The following FGF17 variants were observed in gnomAD, a reference collection of about 807,000 sequenced individuals.
The protein encoded by FGF17 is fibroblast growth factor 17.
In FGF17, 5 loss-of-function variants were observed where a neutral mutation model predicts 23.5. That is an observed-to-expected ratio of 0.21 (90% CI 0.11 to 0.45). The LOEUF (loss-of-function observed/expected upper bound fraction) is 0.45. Ranked by LOEUF, FGF17 falls within the 20% of genes least tolerant of loss-of-function variation. The pLI is 0.99. For missense variants in FGF17, 221 were observed against 306.9 expected, an observed-to-expected ratio of 0.72 and a Z score of 2.09; for synonymous variants, 136 against 123.0, an observed-to-expected ratio of 1.11 and a Z score of -0.70.
intron 2 of FGF17, chr8:22,044,433 T>TGTGGGGGGGC (rs1351551999): frequency 8.2e-6 from 1 of 122,694 alleles, no homozygotes; most frequent in African/African-American, 3.1e-5. Flanking sequence ...GGTTGTGGGC[T>TGTGGGGGGGC]GTGGGGGGGC....
chr8:22,044,986 G>A (rs141285071), intron 2 of FGF17: 590 of 985,638 alleles, frequency 6.0e-4, no homozygotes, highest in Non-Finnish European at 6.4e-4. Context: ...CACAGGCAGC[G>A]GCATCCAGGT....
rs1800771194 is a variant in FGF17, at chr8:22,043,174, A to G, written c.65A>G (p.Gln22Arg). 1 of 1,613,538 alleles carries G rather than the reference A, an allele frequency of 6.2e-7. No homozygotes were observed. The highest frequency in any genetic ancestry group is 1.1e-5 in the South Asian group (1 of 91,072). Reference sequence around the variant, plus strand: ...TTACAGCTGCTGATTCTCTGCTGTCAAACTCAGGTAGGCGGGCATTCCCAC... The same window carrying G: ...TTACAGCTGCTGATTCTCTGCTGTCGAACTCAGGTAGGCGGGCATTCCCAC... ...LCLQLLILCC[Q>R]TQGENHPSPN... Residue 22 changes from glutamine (Q) to arginine (R), a missense_variant, in exon 2 of 5, where the codon CAA becomes CGA. By Grantham distance (43) the Gln-to-Arg change is conservative. This residue lies in a region of FGF17 where 35 missense variants were observed against 35.5 expected (regional missense o/e 0.99). Coordinates refer to ENST00000359441, the MANE Select transcript of FGF17 (RefSeq NM_003867.4).
Position 22,048,027 on chromosome 8 carries a change from C to T in FGF17, c.429C>T (p.Asn143=), listed in dbSNP as rs762036231. ...VLENNYTAFQ[N]ARHEGWFMAF... ...AGAACAACTATACGGCCTTCCAGAA[C>T]GCCCGGCACGAGGGCTGGTTCATGG... Residue 143 remains asparagine (N), a synonymous_variant, in exon 5 of 5, where the codon AAC becomes AAT. Transcript: ENST00000359441. This position sits in a 1 kb window ranked among gnomAD's most constrained non-coding sequence, Gnocchi z 6.9. 1.2e-5 allele frequency: 19 copies of T among 1,613,044 alleles called. No individual in the cohort carries two copies. Among genetic ancestry groups the T allele is most frequent in the Non-Finnish European group, 1.5e-5 (18 of 1,179,512 alleles).
upstream of FGF17, among the ~76,000 whole-genome samples, chr8:22,039,775 G>GTGCCCTTTGCCCTC (rs948675131): frequency 2.5e-4 from 38 of 152,086 alleles, no homozygotes; most frequent in Non-Finnish European, 7.4e-5. Context: ...CATTGCTAGG[G>GTGCCCTTTGCCCTC]TGCCCTTTGC....
At chr8:22,045,223 AG>A (rs1249242529) in intron 2 of FGF17, 7 of 985,376 alleles carry the variant, frequency 7.1e-6, no homozygotes, top group Non-Finnish European at 8.4e-6. Context: ...CCCAACCCAA[AG>A]GGGAAGCAGG....
chr8:22,040,819 G>T (rs954281954), upstream of FGF17, among the ~76,000 whole-genome samples: 6 of 152,234 alleles, frequency 3.9e-5, no homozygotes, highest in African/African-American at 1.4e-4. Flanking sequence ...CCCTGCCTGG[G>T]GGCTGGGAGT....
chr8:22,047,945 T>G lies in FGF17; in HGVS notation c.358-11T>G. 1 of 1,595,298 alleles carries G rather than the reference T, an allele frequency of 6.3e-7. No individual in the cohort carries two copies. Among genetic ancestry groups the G allele is most frequent in the Non-Finnish European group, 8.6e-7 (1 of 1,165,200 alleles). On this transcript the variant is annotated splice_polypyrimidine_tract_variant and intron_variant, in intron 4 of 4. Coordinates refer to ENST00000359441, the MANE Select transcript of FGF17 (RefSeq NM_003867.4). ...GGACAAATGCCCTTCCTGTCCTTGC[T>G]TCTCCCGCAGCCCAGCGGGAAGAGC... is the stretch of plus-strand genomic sequence containing the variant.
At position 22,042,820 on chromosome 8, in the gene FGF17, G is replaced by A; in HGVS notation, c.-109G>A. 8.8e-7 allele frequency: 1 copy of A among 1,141,296 alleles called. No homozygotes were observed. Among genetic ancestry groups the A allele is most frequent in the South Asian group, 1.3e-5 (1 of 75,296 alleles). The allele number at this position is 1,141,296 out of a possible 1,614,324, so 70.7% of individuals were successfully genotyped here. A position where few individuals can be genotyped will look rare whatever the true frequency, so the allele number is the denominator to read the frequency against. ...CTCCTCCTCGCCCCCCTGAAAACCT[G>A]TGGCTCGGAGAGACCTTGGCTTCTC... is the stretch of plus-strand genomic sequence containing the variant. On this transcript the variant is annotated 5_prime_UTR_variant, in exon 1 of 5. It adds an upstream start codon to the 5' untranslated region. Transcript: ENST00000359441.
At position 22,046,095 on chromosome 8, in the gene FGF17, T is replaced by C. The variant is rs1449319248; in HGVS notation, c.73-19T>C. 2 of 1,614,000 alleles carry C rather than the reference T, an allele frequency of 1.2e-6. No individual in the cohort carries two copies. Among genetic ancestry groups the C allele is most frequent in the African/African-American group, 1.3e-5 (1 of 74,934 alleles). ...ACCCAAAGCAAATTGACACTATTTT[T>C]CCCTTGGTAACCGCAAAGGGGGAGA... On this transcript the variant is annotated intron_variant, in intron 2 of 4. Transcript: ENST00000359441.
intron 4 of FGF17, among the ~76,000 whole-genome samples, chr8:22,047,103 A>G (rs1044024456): frequency 3.3e-5 from 5 of 152,104 alleles, no homozygotes; most frequent in African/African-American, 1.2e-4. Flanking sequence ...CTCTATTTAA[A>G]TGAGTCCCCG....
intron 2 of FGF17, chr8:22,045,007 C>T (rs958970704): frequency 1.1e-5 from 11 of 985,396 alleles, no homozygotes; most frequent in African/African-American, 1.7e-5. Context: ...GGAGACAAAA[C>T]CAGCAAAAAA....
At chr8:22,043,915 C>G (rs751891401) in intron 2 of FGF17, among the ~76,000 whole-genome samples, 2 of 152,162 alleles carry the variant, frequency 1.3e-5, no homozygotes, top group Admixed American at 6.5e-5. Context: ...GCCAGAGGCC[C>G]GCTTCTCTTC....
At chr8:22,043,002 T>C in intron 1 of FGF17, 39 bp downstream of exon 1, 1 of 1,610,554 alleles carries the variant, frequency 6.2e-7, no homozygotes, top group Non-Finnish European at 8.5e-7. Context: ...TTCGTTGCCA[T>C]TTCCAGCCTC....
At chr8:22,045,280 G>A in intron 2 of FGF17, 1 of 985,878 alleles carries the variant, frequency 1.0e-6, no homozygotes, top group African/African-American at 1.7e-5. Context: ...CTGTTACATT[G>A]TGGCTAAGGA....
upstream of FGF17, among the ~76,000 whole-genome samples, chr8:22,042,068 C>G (rs557973399): frequency 2.7e-4 from 41 of 152,210 alleles, no homozygotes; most frequent in Non-Finnish European, 4.9e-4. Context: ...CCCCCCAACA[C>G]CCTGAGGCAT....
At chr8:22,047,910 C>G (rs1800980547) in intron 4 of FGF17, 46 bp from the exon 5 acceptor site, 1 of 1,566,838 alleles carries the variant, frequency 6.4e-7, no homozygotes, top group Non-Finnish European at 8.7e-7. Context: ...CACCCCAGAC[C>G]AGGGTAGGTG....
At chr8:22,041,632 C>G (rs1207115117), upstream of FGF17, among the ~76,000 whole-genome samples, 2 of 152,292 alleles carry the variant, frequency 1.3e-5, no homozygotes, top group African/African-American at 4.8e-5. Context: ...ATCCTGAAAA[C>G]CCAGGAAGGC....
intron 2 of FGF17, among the ~76,000 whole-genome samples, chr8:22,044,271 A>AC (rs35944340): frequency 2.6e-5 from 4 of 151,054 alleles, no homozygotes; most frequent in Admixed American, 1.3e-4. Flanking sequence ...GTGCCCCCTC[A>AC]CCCCCCTGGG....
upstream of FGF17, among the ~76,000 whole-genome samples, chr8:22,042,239 A>AC (rs946260175): frequency 2.6e-5 from 4 of 151,934 alleles, no homozygotes; most frequent in Non-Finnish European, 5.9e-5. Flanking sequence ...CCCACCTCTG[A>AC]CCCCCAACCT....
Sources: allele counts gnomAD v4.1 joint callset (sites outside exome capture counted in the v4.1 genomes callset), GRCh38; gene constraint gnomAD v4.1.1; regional missense constraint gnomAD v4.1.1; non-coding constraint Gnocchi (gnomAD v3.1); transcripts MANE v1.5; gene names NCBI Gene and HGNC (gene_info 2026-07-23, HGNC 2026-07-21).